The following NOS1 variants were observed in gnomAD, a reference collection of about 807,000 sequenced individuals.
The protein encoded by NOS1 is NOS type I.
Under a neutral mutation model 164.5 loss-of-function variants are expected in NOS1, and 51 were observed. The observed-to-expected ratio is 0.31, with a 90% CI of 0.25 to 0.39. The LOEUF is 0.39. NOS1 is among the 10% of genes least tolerant of loss of function. The pLI is 1.00. For missense variants in NOS1, 1,362 were observed against 1,885.6 expected (o/e 0.72, Z 5.14); for synonymous variants, 719 against 745.8 (o/e 0.96, Z 0.59).
intron 3 of NOS1, 51 bp from the exon 4 acceptor site, chr12:117,290,477 T>C (rs1872972514): frequency 6.4e-7 from 1 of 1,564,350 alleles, no homozygotes; most frequent in African/African-American, 1.3e-5. Context: ...GAGTGGACTG[T>C]AACATTGTCT....
At position 117,334,670 on chromosome 12, in the gene NOS1, C is replaced by T. The variant is rs60140412; in HGVS notation, c.-420-3181G>A. On this transcript the variant is annotated intron_variant, in intron 1 of 28. Transcript: ENST00000317775. Reference sequence around the variant, plus strand: ...TCAGCCTCCCAAAGTGCTGGGATTACAGGCGTGAGCCATTGCACCTGGCCG... The same window carrying T: ...TCAGCCTCCCAAAGTGCTGGGATTATAGGCGTGAGCCATTGCACCTGGCCG... Among the ~76,000 whole-genome samples the T allele has an allele frequency of 4.3e-3, 651 of 152,310 alleles. 6 individuals carry two copies. The highest frequency in any genetic ancestry group is 0.015 in the African/African-American group (609 of 41,588).
intron 1 of NOS1, among the ~76,000 whole-genome samples, chr12:117,337,104 CTCTTTTTTTTT>C (rs1875860442): frequency 3.2e-5 from 3 of 94,074 alleles, no homozygotes; most frequent in Non-Finnish European, 6.3e-5. Context: ...CTGCTTTTTA[CTCTTTTTTTTT>C]TTTTTTTTTT....
At chr12:117,219,217 G>A (rs1017794715) in intron 27 of NOS1, among the ~76,000 whole-genome samples, 10 of 152,036 alleles carry the variant, frequency 6.6e-5, no homozygotes, top group African/African-American at 2.4e-4. Context: ...TCTTGACCTC[G>A]TGATACACCT....
chr12:117,256,070 C>T (rs1190588737), intron 16 of NOS1: 1 of 1,232,104 alleles, frequency 8.1e-7, no homozygotes, highest in African/African-American at 1.6e-5. Context: ...CCCTATCTCT[C>T]CCTGAAGGAG....
intron 17 of NOS1, among the ~76,000 whole-genome samples, chr12:117,248,185 C>CT (rs34494717): frequency 0.013 from 1,903 of 148,680 alleles, 19 homozygotes; most frequent in East Asian, 0.054. Context: ...AATTTCTATT[C>CT]TTTTTTTTTT....
chr12:117,308,884 C>T (rs532061262), intron 3 of NOS1, among the ~76,000 whole-genome samples: 7 of 152,156 alleles, frequency 4.6e-5, no homozygotes, highest in East Asian at 1.9e-4. Context: ...TGTGAGCCAC[C>T]GTGCCTGGCC....
rs1255845489 is a variant in NOS1 at position 117,296,840 on chromosome 12, G to A, written c.853-6414C>T. ...TCTGATAGGATTGGTGGCCTTATAT[G>A]AAAAGGAAGAGAGAGCTCTTTCTCT... On this transcript the variant is annotated intron_variant, in intron 3 of 28. Transcript: ENST00000317775. Among the ~76,000 whole-genome samples, 3 of 152,184 alleles carry A rather than the reference G, an allele frequency of 2.0e-5. No individual in the cohort carries two copies. The East Asian group carries it at 5.8e-4, about 29-fold the overall frequency.
chr12:117,234,549 TC>T lies in NOS1; in HGVS notation c.3235+15del, dbSNP rs760108075. 1 of 1,605,008 alleles carries T rather than the reference TC, an allele frequency of 6.2e-7. No individual in the cohort carries two copies. Among genetic ancestry groups the T allele is most frequent in the Non-Finnish European group, 8.5e-7 (1 of 1,173,600 alleles). ...TGCAGCTCCCTAGAGCAGGGAAGGG[TC>T]CCCGGGAATGTTACCTAAAGCCGTG... is the stretch of plus-strand genomic sequence containing the variant. On this transcript the variant is annotated intron_variant, in intron 21 of 28. Transcript: ENST00000317775. This position sits in a 1 kb window ranked among gnomAD's most constrained non-coding sequence, Gnocchi z 4.3.
intron 11 of NOS1, among the ~76,000 whole-genome samples, chr12:117,266,103 T>C (rs1362459453): frequency 6.6e-6 from 1 of 151,922 alleles, no homozygotes; most frequent in African/African-American, 2.4e-5. Flanking sequence ...CCGGCCTTTT[T>C]CTTTTTCTAT....
chr12:117,269,442 G>A (rs1872646693), intron 10 of NOS1, among the ~76,000 whole-genome samples: 1 of 151,776 alleles, frequency 6.6e-6, no homozygotes, highest in Non-Finnish European at 1.5e-5. Flanking sequence ...ACGGGCCCAG[G>A]GGGCAGGATC....
intron 1 of NOS1, among the ~76,000 whole-genome samples, chr12:117,349,903 T>C (rs1014440616): frequency 6.6e-6 from 1 of 152,120 alleles, no homozygotes; most frequent in African/African-American, 2.4e-5. Context: ...TTTATTTTTT[T>C]TGTAGAGATT....
chr12:117,292,737 G>A (rs910027998), intron 3 of NOS1, among the ~76,000 whole-genome samples: 14 of 152,116 alleles, frequency 9.2e-5, no homozygotes, highest in African/African-American at 3.4e-4. Flanking sequence ...TGGCCATCAG[G>A]AATAATTCAT....
Position 117,330,532 on chromosome 12 carries a change from G to A in NOS1, c.538C>T (p.Pro180Ser), listed in dbSNP as rs41474747. The change falls in exon 2 of 29, where the codon CCC becomes TCC. Residue 180 changes from proline (P) to serine (S), a missense_variant. Coordinates refer to ENST00000317775, the MANE Select transcript of NOS1 (RefSeq NM_000620.5). The surrounding 1 kb of genome is among the most constrained non-coding windows in gnomAD (Gnocchi z 4.6). The stretch of plus-strand genomic sequence containing the variant: ...GCGGGGTCCTGGCCTGGGGGCCTGG[G>A]GGCCAGGCCGTTGGCATGGGGGAGT... ...GSLPHANGLA[P>S]RPPGQDPAKK... 115 of 1,613,836 alleles carry A rather than the reference G, an allele frequency of 7.1e-5. No individual in the cohort carries two copies. In the African/African-American group the frequency reaches 1.4e-3, roughly 19 times the overall value.
chr12:117,292,620 A>C (rs1048959379), intron 3 of NOS1, among the ~76,000 whole-genome samples: 12 of 152,194 alleles, frequency 7.9e-5, no homozygotes, highest in Non-Finnish European at 1.3e-4. Flanking sequence ...AGGCACAGAG[A>C]GGTTAAGTTG....
intron 1 of NOS1, among the ~76,000 whole-genome samples, chr12:117,333,403 C>A (rs1396756444): frequency 4.6e-5 from 7 of 152,256 alleles, no homozygotes; most frequent in Non-Finnish European, 7.3e-5. Flanking sequence ...TCCTCATTTC[C>A]CTTTTAGCGA....
At chr12:117,256,987 G>T (rs1029594856) in intron 16 of NOS1, among the ~76,000 whole-genome samples, 11 of 152,164 alleles carry the variant, frequency 7.2e-5, no homozygotes, top group African/African-American at 2.7e-4. Flanking sequence ...CTGCAGAGTC[G>T]CTTGAACCCA....
chr12:117,308,523 G>T (rs1258916006), intron 3 of NOS1, among the ~76,000 whole-genome samples: 9 of 151,216 alleles, frequency 6.0e-5, no homozygotes, highest in African/African-American at 2.2e-4. Flanking sequence ...GGAAGACAGA[G>T]CAAGACCTGT....
At chr12:117,224,117 G>A (rs1378710188) in intron 25 of NOS1, among the ~76,000 whole-genome samples, 1 of 152,176 alleles carries the variant, frequency 6.6e-6, no homozygotes, top group Non-Finnish European at 1.5e-5. Flanking sequence ...ATGGGGGCAA[G>A]TTTTTACTGA....
chr12:117,208,391 CGTGT>C lies in NOS1; in HGVS notation c.*6914_*6917del. ...GGGGGGACGGCCGAGTTTCTGACAG[CGTGT>C]GTGTGTGTGTGTGTGTGTGTGTGTG... is the stretch of plus-strand genomic sequence containing the variant. On this transcript the variant is annotated 3_prime_UTR_variant, in exon 29 of 29. Coordinates refer to ENST00000317775, the MANE Select transcript of NOS1 (RefSeq NM_000620.5). 2.6e-3 allele frequency: 3,156 copies of C among 1,230,986 alleles called. 1 individual carries two copies. The highest frequency in any genetic ancestry group is 7.7e-3 in the Middle Eastern group (25 of 3,226). The allele number at this position is 1,230,986 out of a possible 1,614,324, so 76.3% of individuals were successfully genotyped here. A position where few individuals can be genotyped will look rare whatever the true frequency, so the allele number is the denominator to read the frequency against.
Sources: allele counts gnomAD v4.1 joint callset (sites outside exome capture counted in the v4.1 genomes callset), GRCh38; gene constraint gnomAD v4.1.1; non-coding constraint Gnocchi (gnomAD v3.1); transcripts MANE v1.5; gene names NCBI Gene and HGNC (gene_info 2026-07-23, HGNC 2026-07-21).